SH2D4B: variants seen among roughly 807,000 people sequenced by gnomAD.
SH2D4B encodes the protein SH2 domain-containing protein 4B.
A neutral mutation model predicts 61.5 loss-of-function variants in SH2D4B; 45 were observed. That is an observed-to-expected ratio of 0.73 (90% CI 0.58 to 0.94). SH2D4B has a LOEUF of 0.94. Among genes scored for constraint, SH2D4B ranks in the 40% least tolerant of loss-of-function variants. The probability of loss-of-function intolerance (pLI) is 0.00; values close to 1 mark genes in which losing one functional copy is unlikely to be tolerated. For missense variants in SH2D4B, 572 were observed against 574.2 expected (o/e 1.00, Z 0.04); for synonymous variants, 224 against 220.4 (o/e 1.02, Z -0.14).
intron 3 of SH2D4B, among the ~76,000 whole-genome samples, chr10:80,588,198 T>A (rs6586091): frequency 0.73 from 110,726 of 152,002 alleles, 41,713 homozygotes; most frequent in African/African-American, 0.93. Flanking sequence ...TAACTGACTA[T>A]AACTAGAGGT....
At chr10:80,584,837 A>G (rs1185750473) in intron 3 of SH2D4B, among the ~76,000 whole-genome samples, 1 of 152,238 alleles carries the variant, frequency 6.6e-6, no homozygotes, top group Non-Finnish European at 1.5e-5. Context: ...GTGCCAAAAA[A>G]GAAAGGCAAG....
intron 3 of SH2D4B, among the ~76,000 whole-genome samples, chr10:80,586,938 G>GCTTCACTCCT (rs1842260027): frequency 6.7e-6 from 1 of 148,404 alleles, no homozygotes; most frequent in East Asian, 1.9e-4. Context: ...CACTCACCGC[G>GCTTCACTCCT]GAGGTCCGCA....
intron 1 of SH2D4B, among the ~76,000 whole-genome samples, chr10:80,547,853 G>A (rs957731111): frequency 2.0e-5 from 3 of 152,194 alleles, no homozygotes; most frequent in Non-Finnish European, 4.4e-5. Context: ...GAGTTGGAAA[G>A]TTGGGGCTGA....
chr10:80,618,404 A>G (rs544171364), intron 6 of SH2D4B, among the ~76,000 whole-genome samples: 1 of 152,326 alleles, frequency 6.6e-6, no homozygotes, highest in Admixed American at 6.5e-5. Flanking sequence ...CCTCTTGTGC[A>G]TAAATATATC....
At chr10:80,624,827 C>A (rs1309822622) in intron 6 of SH2D4B, among the ~76,000 whole-genome samples, 1 of 152,040 alleles carries the variant, frequency 6.6e-6, no homozygotes, top group Non-Finnish European at 1.5e-5. Flanking sequence ...GAATGAATGC[C>A]ATAGCAGTAA....
At chr10:80,582,813 A>G (rs941216353) in intron 3 of SH2D4B, among the ~76,000 whole-genome samples, 14 of 152,328 alleles carry the variant, frequency 9.2e-5, no homozygotes, top group African/African-American at 3.4e-4. Flanking sequence ...TGCTTGCTGC[A>G]GGCAGTCCTG....
chr10:80,540,962 G>A, intron 1 of SH2D4B: 2 of 1,448,274 alleles, frequency 1.4e-6, no homozygotes, highest in Non-Finnish European at 1.9e-6. Context: ...TTGATGTCCA[G>A]GCTCTTGAAA....
intron 3 of SH2D4B, among the ~76,000 whole-genome samples, chr10:80,586,265 G>A (rs1009648086): frequency 5.9e-5 from 9 of 152,320 alleles, no homozygotes; most frequent in African/African-American, 1.9e-4. Context: ...GTGGGCGCAC[G>A]GCGTGGGACT....
chr10:80,590,473 A>G (rs955991833), intron 4 of SH2D4B, among the ~76,000 whole-genome samples: 1 of 152,194 alleles, frequency 6.6e-6, no homozygotes, highest in African/African-American at 2.4e-5. Flanking sequence ...ATCAGAAAAT[A>G]CAGAAAATGA....
chr10:80,586,892 C>T lies in SH2D4B; in HGVS notation c.496-1738C>T, dbSNP rs12414797. Reference sequence around the variant, plus strand: ...GAGACCACGAACCCACCGGGAGGAACGAGCAACTCCAGACGCACTGCCTTA... The same window carrying T: ...GAGACCACGAACCCACCGGGAGGAATGAGCAACTCCAGACGCACTGCCTTA... On this transcript the variant is annotated intron_variant, in intron 3 of 7. Transcript: ENST00000646907. Among the ~76,000 whole-genome samples, 373 of 152,118 alleles carry T rather than the reference C, an allele frequency of 2.5e-3. 6 individuals carry two copies. The highest frequency in any genetic ancestry group is 0.018 in the Admixed American group (277 of 15,278).
intron 1 of SH2D4B, among the ~76,000 whole-genome samples, chr10:80,561,237 G>T (rs4038156): frequency 0.65 from 99,017 of 152,080 alleles, 33,618 homozygotes; most frequent in East Asian, 0.85. Context: ...GGAAAACAAC[G>T]GATAGAATTC....
intron 7 of SH2D4B, chr10:80,643,141 T>C (rs1190824645): frequency 6.5e-6 from 1 of 152,686 alleles, no homozygotes; most frequent in Non-Finnish European, 1.5e-5. Context: ...AGCTGCTGAA[T>C]TGCTTTTTAG....
Position 80,538,859 on chromosome 10 carries a change from C to T in SH2D4B, c.184+344C>T, listed in dbSNP as rs540764311. ...TGGTTGGCAATGGTAGGGTGAACGACGGCATATTTGTGACCCTTGCCATTG... is the reference window on the plus strand; with the variant it reads ...TGGTTGGCAATGGTAGGGTGAACGATGGCATATTTGTGACCCTTGCCATTG... On this transcript the variant is annotated intron_variant, in intron 1 of 7. Transcript: ENST00000646907. The surrounding 1 kb of genome is among the most constrained non-coding windows in gnomAD (Gnocchi z 4.8). Among the ~76,000 whole-genome samples the T allele has an allele frequency of 1.6e-4, 24 of 152,328 alleles. No individual in the cohort carries two copies. The highest frequency in any genetic ancestry group is 4.8e-4 in the African/African-American group (20 of 41,570).
intron 6 of SH2D4B, among the ~76,000 whole-genome samples, chr10:80,631,489 T>A (rs1379482903): frequency 6.6e-6 from 1 of 152,160 alleles, no homozygotes; most frequent in East Asian, 1.9e-4. Flanking sequence ...GCTCAAGCGA[T>A]CCTCCCACCT....
intron 6 of SH2D4B, among the ~76,000 whole-genome samples, chr10:80,611,590 T>G (rs1329021213): frequency 2.6e-5 from 4 of 152,210 alleles, no homozygotes; most frequent in African/African-American, 9.6e-5. Context: ...AAGTCACCAC[T>G]GTGCTTTTTC....
chr10:80,621,093 T>C (rs1842714315), intron 6 of SH2D4B, among the ~76,000 whole-genome samples: 1 of 152,232 alleles, frequency 6.6e-6, no homozygotes, highest in Non-Finnish European at 1.5e-5. Context: ...GTTGTCAACG[T>C]TTTTAAGAGA....
intron 3 of SH2D4B, among the ~76,000 whole-genome samples, chr10:80,587,204 C>A (rs145728946): frequency 0.011 from 1,568 of 137,862 alleles, 30 homozygotes; most frequent in African/African-American, 0.039. Context: ...GGCGCGATCT[C>A]GGCTCACTGC....
intron 6 of SH2D4B, among the ~76,000 whole-genome samples, chr10:80,621,914 G>C (rs1259060732): frequency 6.6e-6 from 1 of 151,974 alleles, no homozygotes; most frequent in African/African-American, 2.4e-5. Flanking sequence ...GTAGAGATGG[G>C]GTTTCACCAT....
intron 7 of SH2D4B, among the ~76,000 whole-genome samples, chr10:80,642,681 A>C (rs4934387): frequency 0.42 from 63,975 of 152,038 alleles, 15,428 homozygotes; most frequent in African/African-American, 0.66. Context: ...CTTTTGATGG[A>C]CACTTATCTG....
Sources: allele counts gnomAD v4.1 joint callset (sites outside exome capture counted in the v4.1 genomes callset), GRCh38; gene constraint gnomAD v4.1.1; non-coding constraint Gnocchi (gnomAD v3.1); transcripts MANE v1.5; gene names NCBI Gene and HGNC (gene_info 2026-07-23, HGNC 2026-07-21).